The following SCP2 variants were observed in gnomAD, a reference collection of about 807,000 sequenced individuals.
SCP2 encodes the protein sterol carrier protein 2, also known as SCP-2/3-oxoacyl-CoA thiolase.
Under a neutral mutation model 71.4 loss-of-function variants are expected in SCP2, and 48 were observed. That is an observed-to-expected ratio of 0.67 (90% CI 0.53 to 0.86). The LOEUF (loss-of-function observed/expected upper bound fraction) is 0.86. Among genes scored for constraint, SCP2 ranks in the 40% least tolerant of loss-of-function variants. The pLI is 0.00. For missense variants in SCP2, 560 were observed against 655.6 expected (o/e 0.85, Z 1.59); for synonymous variants, 220 against 218.1 (o/e 1.01, Z -0.08).
intron 11 of SCP2, among the ~76,000 whole-genome samples, chr1:53,000,608 G>A (rs1371254035): frequency 6.6e-6 from 1 of 152,206 alleles, no homozygotes; most frequent in Admixed American, 6.5e-5. Context: ...CTGTAGGGCT[G>A]TGAAATACGA....
chr1:53,034,393 C>T (rs931601472), intron 13 of SCP2, among the ~76,000 whole-genome samples: 1 of 152,028 alleles, frequency 6.6e-6, no homozygotes, highest in Admixed American at 6.6e-5. Flanking sequence ...ATGAAATGTC[C>T]AGAATAAGCA....
intron 13 of SCP2, among the ~76,000 whole-genome samples, chr1:53,035,109 GA>G (rs199933576): frequency 0.12 from 15,246 of 130,888 alleles, 1,488 homozygotes; most frequent in African/African-American, 0.25. Flanking sequence ...CTGTCTCAAA[GA>G]AAAAAAAAAA....
At position 52,954,783 on chromosome 1, in the gene SCP2, T is replaced by C; in HGVS notation, c.375T>C (p.Ser125=). 6.2e-7 allele frequency: 1 copy of C among 1,613,576 alleles called. No homozygotes were observed. The highest frequency in any genetic ancestry group is 8.5e-7 in the Non-Finnish European group (1 of 1,179,490). Residue 125 remains serine (S), a synonymous_variant, in exon 5 of 16, where the codon AGT becomes AGC. Transcript: ENST00000371514. ...CVLALGFEKM[S]KGSLGIKFSD... is the part of the protein sequence containing the mutation. The stretch of plus-strand genomic sequence containing the variant: ...TGGCTCTTGGGTTTGAGAAGATGAG[T>C]AAGGGAAGCCTTGGAATAAAAGTGA...
In SCP2 at chr1:52,978,085, A is replaced by G. The variant is rs1341794281; in HGVS notation, c.675-132A>G. ...AAGCATGTGTGATTTACAACTGTAG[A>G]TATCACAAAGAAGACAATCCACTGA... On this transcript the variant is annotated intron_variant, in intron 8 of 15. Coordinates refer to ENST00000371514, the MANE Select transcript of SCP2 (RefSeq NM_002979.5). The G allele has an allele frequency of 8.9e-6, 7 of 785,582 alleles. No homozygotes were observed. The Admixed American group carries it at 9.9e-5, about 11-fold the overall frequency. 48.7% of individuals were successfully genotyped at this position (785,582 alleles called of 1,614,324 possible).
chr1:52,978,376 G>T lies in SCP2; in HGVS notation c.825+9G>T, dbSNP rs1429466269. The T allele has an allele frequency of 6.2e-7, 1 of 1,606,154 alleles. No individual in the cohort carries two copies. The highest frequency in any genetic ancestry group is 2.2e-5 in the East Asian group (1 of 44,850). Reference sequence around the variant, plus strand: ...AAAGCATTATTAAAATGGTATGTCTGAGATTCTATTTGTTATTTTTATTTT... The same window carrying T: ...AAAGCATTATTAAAATGGTATGTCTTAGATTCTATTTGTTATTTTTATTTT... On this transcript the variant is annotated intron_variant, in intron 9 of 15. Coordinates refer to ENST00000371514, the MANE Select transcript of SCP2 (RefSeq NM_002979.5).
chr1:53,037,289 A>C (rs933401939), intron 13 of SCP2, among the ~76,000 whole-genome samples: 12 of 152,170 alleles, frequency 7.9e-5, no homozygotes, highest in Admixed American at 5.9e-4. Flanking sequence ...TCTTTTAAAC[A>C]AGGTGTGTGA....
At chr1:52,996,922 C>T (rs1199213379) in intron 11 of SCP2, among the ~76,000 whole-genome samples, 1 of 152,166 alleles carries the variant, frequency 6.6e-6, no homozygotes, top group Non-Finnish European at 1.5e-5. Context: ...TTTTTTCCCA[C>T]TTACACTTGG....
chr1:52,998,637 C>T (rs1660099793), intron 11 of SCP2, among the ~76,000 whole-genome samples: 1 of 152,104 alleles, frequency 6.6e-6, no homozygotes, highest in African/African-American at 2.4e-5. Context: ...TCTGTCCATA[C>T]TTTTGCAGGT....
rs577898465 is a variant in SCP2, at chr1:52,995,940, G to A, written c.1081+7804G>A. On this transcript the variant is annotated intron_variant, in intron 11 of 15. Coordinates refer to ENST00000371514, the MANE Select transcript of SCP2 (RefSeq NM_002979.5). ...CAACAAGGCTGAGAGCAACATGAAC[G>A]ACCTCGTCTCTGAGTATCAGCAGTA... The A allele has an allele frequency of 2.0e-3, 2,959 of 1,470,714 alleles. 9 individuals carry two copies. The highest frequency in any genetic ancestry group is 2.4e-3 in the Non-Finnish European group (2,663 of 1,111,822). The allele number at this position is 1,470,714 out of a possible 1,614,324, so 91.1% of individuals were successfully genotyped here.
intron 11 of SCP2, among the ~76,000 whole-genome samples, chr1:53,006,778 C>A (rs1660665529): frequency 6.6e-6 from 1 of 152,052 alleles, no homozygotes; most frequent in Middle Eastern, 3.4e-3. Context: ...TCACACATAA[C>A]AATATTAACC....
chr1:52,956,774 C>T (rs1322950024), intron 5 of SCP2, among the ~76,000 whole-genome samples: 2 of 151,782 alleles, frequency 1.3e-5, no homozygotes, highest in African/African-American at 4.8e-5. Flanking sequence ...GTATTTTTTT[C>T]AGCAGTGAAT....
intron 13 of SCP2, among the ~76,000 whole-genome samples, chr1:53,034,720 G>A (rs986243544): frequency 6.6e-6 from 1 of 152,166 alleles, no homozygotes; most frequent in Admixed American, 6.5e-5. Context: ...GTCAGTTTAT[G>A]TAAATTCCTC....
chr1:53,003,141 G>T (rs577155939), intron 11 of SCP2, among the ~76,000 whole-genome samples: 14 of 152,206 alleles, frequency 9.2e-5, no homozygotes, highest in Non-Finnish European at 1.8e-4. Context: ...TGGAGCCCAG[G>T]AGATGGTGTC....
intron 14 of SCP2, among the ~76,000 whole-genome samples, chr1:53,041,619 T>G (rs1182967348): frequency 3.3e-5 from 5 of 152,158 alleles, no homozygotes; most frequent in African/African-American, 1.2e-4. Flanking sequence ...ATGTTGCCAC[T>G]GTCTAAGTGA....
intron 2 of SCP2, among the ~76,000 whole-genome samples, chr1:52,943,225 T>TC (rs201569674): frequency 6.6e-6 from 1 of 150,892 alleles, no homozygotes; most frequent in Non-Finnish European, 1.5e-5. Flanking sequence ...CATGGTGGGT[T>TC]CTTTTTTTTT....
intron 6 of SCP2, among the ~76,000 whole-genome samples, chr1:52,966,154 T>C (rs1212932766): frequency 1.3e-5 from 2 of 152,222 alleles, no homozygotes; most frequent in Non-Finnish European, 2.9e-5. Context: ...ATACCATCAG[T>C]ACAATGTTAA....
At chr1:53,047,772 G>A in intron 14 of SCP2, 86 bp from the exon 15 acceptor site, 1 of 885,272 alleles carries the variant, frequency 1.1e-6, no homozygotes, top group Admixed American at 1.7e-5. Context: ...TTATAATTCT[G>A]TTGCAGTCAG....
At chr1:53,003,647 G>C (rs1050358663) in intron 11 of SCP2, among the ~76,000 whole-genome samples, 1 of 152,068 alleles carries the variant, frequency 6.6e-6, no homozygotes, top group Non-Finnish European at 1.5e-5. Context: ...AGTCTCCCAA[G>C]TAGCTGGGAC....
intron 8 of SCP2, among the ~76,000 whole-genome samples, chr1:52,977,355 A>G (rs1346481863): frequency 1.3e-5 from 2 of 152,188 alleles, no homozygotes; most frequent in Non-Finnish European, 2.9e-5. Context: ...GGGTCTGCCC[A>G]TTTAGAAAGT....
Sources: allele counts gnomAD v4.1 joint callset (sites outside exome capture counted in the v4.1 genomes callset), GRCh38; gene constraint gnomAD v4.1.1; transcripts MANE v1.5; gene names NCBI Gene and HGNC (gene_info 2026-07-23, HGNC 2026-07-21).